The following GAS7 variants were observed in gnomAD, a reference collection of about 807,000 sequenced individuals.
GAS7 encodes growth arrest-specific protein 7.
GAS7 carries 28 observed loss-of-function variants against 71.1 expected under a neutral mutation model. The observed-to-expected ratio is 0.39, with a 90% CI of 0.29 to 0.54. The LOEUF is 0.54. GAS7 is among the 20% of genes least tolerant of loss of function. GAS7 has a pLI of 0.62. For synonymous variants in GAS7, 258 were observed against 245.8 expected (o/e 1.05, Z -0.46); for missense variants, 436 against 627.8 (o/e 0.69, Z 3.27).
At chr17:10,096,185 A>T (rs1451901430) in intron 1 of GAS7, among the ~76,000 whole-genome samples, 2 of 152,192 alleles carry the variant, frequency 1.3e-5, no homozygotes, top group African/African-American at 4.8e-5. Context: ...TGCAAAGGCA[A>T]ATTCTGTTTG....
chr17:10,049,684 G>C (rs569135534), intron 1 of GAS7, among the ~76,000 whole-genome samples: 1 of 128,332 alleles, frequency 7.8e-6, no homozygotes, highest in Non-Finnish European at 1.5e-5. Context: ...GCAGTGGCGC[G>C]ATCTTGGCTC....
intron 1 of GAS7, among the ~76,000 whole-genome samples, chr17:10,151,025 T>C (rs1286975136): frequency 6.6e-6 from 1 of 152,178 alleles, no homozygotes; most frequent in African/African-American, 2.4e-5. Context: ...AAGTTGTTGT[T>C]AGGATTAAAA....
Position 9,959,480 on chromosome 17 carries a change from A to C in GAS7, c.472-225T>G. The C allele has an allele frequency of 7.1e-7, 1 of 1,400,390 alleles. No individual in the cohort carries two copies. Among genetic ancestry groups the C allele is most frequent in the Non-Finnish European group, 9.3e-7 (1 of 1,078,652 alleles). The allele number at this position is 1,400,390 out of a possible 1,614,324, so 86.7% of individuals were successfully genotyped here. ...GGCGAATTAAGGAAGCCTCCTGCAC[A>C]GGCTCTGAGAGAACTGCTCCAAACC... On this transcript the variant is annotated intron_variant, in intron 4 of 13. Transcript: ENST00000432992. The surrounding 1 kb of genome is among the most constrained non-coding windows in gnomAD (Gnocchi z 5.0).
chr17:10,128,639 T>A (rs907093900), intron 1 of GAS7, among the ~76,000 whole-genome samples: 40 of 151,390 alleles, frequency 2.6e-4, no homozygotes, highest in African/African-American at 9.5e-4. Context: ...CTCTTTTTTT[T>A]TTTTTTTTGA....
Position 9,925,553 on chromosome 17 carries a change from G to A in GAS7, c.1061C>T (p.Thr354Ile). 6.2e-7 allele frequency: 1 copy of A among 1,614,026 alleles called. No individual in the cohort carries two copies. The highest frequency in any genetic ancestry group is 8.5e-7 in the Non-Finnish European group (1 of 1,179,888). The change falls in exon 11 of 14, where the codon ACC becomes ATC. Residue 354 changes from threonine (T) to isoleucine (I), a missense_variant. Transcript: ENST00000432992. ...GCTCAGCTTGATCTCCAGCTGCTGG[G>A]TCTTCATCTCCAGGTCTCTCTGCCG... is the stretch of plus-strand genomic sequence containing the variant. ...TERQRDLEMK[T>I]QQLEIKLSNK... is the part of the protein sequence containing the mutation.
chr17:10,046,400 A>AC (rs907769594), intron 1 of GAS7, among the ~76,000 whole-genome samples: 3 of 151,836 alleles, frequency 2.0e-5, no homozygotes, highest in African/African-American at 4.8e-5. Flanking sequence ...CGGAGGAAAA[A>AC]AAAAAAAACT....
chr17:9,939,816 G>A (rs1037580597), intron 8 of GAS7, among the ~76,000 whole-genome samples: 1 of 152,078 alleles, frequency 6.6e-6, no homozygotes, highest in African/African-American at 2.4e-5. Context: ...CACTATGTGG[G>A]CCAGGCTGGT....
At chr17:10,098,065 C>T (rs2019030) in intron 1 of GAS7, among the ~76,000 whole-genome samples, 4,346 of 149,022 alleles carry the variant, frequency 0.029, 192 homozygotes, top group African/African-American at 0.1. Flanking sequence ...AAAAAGTGTA[C>T]ATTGGGACTC....
chr17:9,985,856 G>A (rs1003390036), intron 2 of GAS7, among the ~76,000 whole-genome samples: 3 of 152,308 alleles, frequency 2.0e-5, no homozygotes, highest in African/African-American at 7.2e-5. Context: ...CTTGGTGGCC[G>A]CATTGCAATG....
At chr17:10,151,913 GAA>G (rs1567611862) in intron 1 of GAS7, among the ~76,000 whole-genome samples, 2 of 152,324 alleles carry the variant, frequency 1.3e-5, no homozygotes, top group East Asian at 3.9e-4. Flanking sequence ...GTTAATGGAA[GAA>G]GAGAGAGAAT....
At chr17:10,118,545 T>C (rs994344897) in intron 1 of GAS7, among the ~76,000 whole-genome samples, 5 of 152,042 alleles carry the variant, frequency 3.3e-5, no homozygotes, top group African/African-American at 1.2e-4. Context: ...ACCCCGTCTC[T>C]ACTAAAAATA....
chr17:10,133,606 C>T (rs1454417509), intron 1 of GAS7, among the ~76,000 whole-genome samples: 1 of 152,030 alleles, frequency 6.6e-6, no homozygotes, highest in East Asian at 1.9e-4. Flanking sequence ...ATATAATACG[C>T]TATTATTAAC....
chr17:9,995,881 G>A (rs1016331606), intron 2 of GAS7, among the ~76,000 whole-genome samples: 11 of 152,182 alleles, frequency 7.2e-5, no homozygotes, highest in East Asian at 3.9e-4. Flanking sequence ...ATGATGTATC[G>A]ACAGGGTGGC....
chr17:10,147,589 G>A (rs563510421), intron 1 of GAS7, among the ~76,000 whole-genome samples: 2 of 152,262 alleles, frequency 1.3e-5, no homozygotes, highest in Admixed American at 1.3e-4. Context: ...CAAAAGTAAG[G>A]CTTTTAGATC....
chr17:9,969,688 C>T lies in GAS7; in HGVS notation c.460G>A (p.Gly154Ser), dbSNP rs545830122. 60 of 1,604,130 alleles carry T rather than the reference C, an allele frequency of 3.7e-5. No homozygotes were observed. Among genetic ancestry groups the T allele is most frequent in the East Asian group, 4.5e-5 (2 of 44,834 alleles). ...TAHMSVRKST[G>S]DSQNLGSSSP... ...ACAGGACCCCTTACCTGGGAATCAC[C>T]GGTGGATTTTCGGACACTCATGTGG... Residue 154 changes from glycine (G) to serine (S), a missense_variant, in exon 4 of 14, where the codon GGT becomes AGT. Transcript: ENST00000432992. This position sits in a 1 kb window ranked among gnomAD's most constrained non-coding sequence, Gnocchi z 5.5.
intron 1 of GAS7, among the ~76,000 whole-genome samples, chr17:10,164,402 A>G (rs1159827874): frequency 6.7e-6 from 1 of 150,074 alleles, no homozygotes; most frequent in Admixed American, 6.7e-5. Flanking sequence ...AGTTCACGCC[A>G]CTGCACTCCA....
At chr17:9,962,908 G>A (rs954582967) in intron 4 of GAS7, among the ~76,000 whole-genome samples, 3 of 152,002 alleles carry the variant, frequency 2.0e-5, no homozygotes, top group African/African-American at 4.8e-5. Context: ...AACCCCACAT[G>A]CCCTGTCCAG....
chr17:10,195,716 G>C (rs1391193236), intron 1 of GAS7, among the ~76,000 whole-genome samples: 1 of 152,084 alleles, frequency 6.6e-6, no homozygotes, highest in East Asian at 1.9e-4. Flanking sequence ...ATGCTGGCCA[G>C]TCTACCCACC....
chr17:10,016,333 C>A (rs551785714), intron 2 of GAS7, among the ~76,000 whole-genome samples: 1 of 142,974 alleles, frequency 7.0e-6, no homozygotes, highest in Admixed American at 7.4e-5. Flanking sequence ...TGCAGTGAGC[C>A]GAGATCGCGC....
Sources: gnomAD v4.1 joint callset for allele counts (sites outside exome capture counted in the v4.1 genomes callset) on GRCh38, gnomAD v4.1.1 for gene constraint, Gnocchi (gnomAD v3.1) non-coding constraint, MANE v1.5 for transcripts, NCBI Gene and HGNC (gene_info 2026-07-23, HGNC 2026-07-21) for gene names.